IL20: variants seen among roughly 807,000 people sequenced by gnomAD.
IL20 encodes interleukin 20, also known as interleukin-20.
IL20 carries 22 observed loss-of-function variants against 19.2 expected under a neutral mutation model. The ratio of observed to expected loss-of-function variants is 1.15; its 90% CI spans 0.82 to 1.64. IL20 has a LOEUF of 1.64. Among genes scored for constraint, IL20 ranks in the 40% most tolerant of loss-of-function variants. The pLI, the probability that IL20 is intolerant of heterozygous loss-of-function variation, is 0.00. For synonymous variants in IL20, 70 were observed against 76.2 expected (o/e 0.92, Z 0.43); for missense variants, 215 against 212.8 (o/e 1.01, Z -0.06).
chr1:206,864,149 C>A (rs1480706275), upstream of IL20, among the ~76,000 whole-genome samples: 1 of 152,154 alleles, frequency 6.6e-6, no homozygotes, highest in Non-Finnish European at 1.5e-5. Context: ...ACTGGAATGA[C>A]CCACATCAAT....
upstream of IL20, chr1:206,865,602 CACG>C (rs1298238121): frequency 1.6e-5 from 21 of 1,295,112 alleles, no homozygotes; most frequent in Non-Finnish European, 2.0e-5. The surrounding 1 kb of genome is among the most constrained non-coding windows in gnomAD (Gnocchi z 4.1). Flanking sequence ...ATAAAGGAGC[CACG>C]ACCTGTGCCA....
At chr1:206,866,825 G>A (rs1037935645) in intron 4 of IL20, among the ~76,000 whole-genome samples, 189 bp downstream of exon 4, 1 of 152,008 alleles carries the variant, frequency 6.6e-6, no homozygotes, top group Non-Finnish European at 1.5e-5. Context: ...ATATGCTCTA[G>A]GCAAAAAGTA....
At chr1:206,866,262 T>C in intron 2 of IL20, 37 bp from the exon 3 acceptor site, 1 of 1,602,650 alleles carries the variant, frequency 6.2e-7, no homozygotes, top group Non-Finnish European at 8.5e-7. Context: ...CAGCAGGCAC[T>C]GACTCATCCT....
upstream of IL20, among the ~76,000 whole-genome samples, chr1:206,865,078 A>T (rs1285612980): frequency 6.6e-6 from 1 of 152,156 alleles, no homozygotes; most frequent in Non-Finnish European, 1.5e-5. The surrounding 1 kb of genome is among the most constrained non-coding windows in gnomAD (Gnocchi z 4.1). Flanking sequence ...TCTCGAATCC[A>T]CCCAGGAGTG....
intron 2 of IL20, 35 bp from the exon 3 acceptor site, chr1:206,866,264 A>G: frequency 6.2e-7 from 1 of 1,604,450 alleles, no homozygotes; most frequent in Non-Finnish European, 8.5e-7. Flanking sequence ...GCAGGCACTG[A>G]CTCATCCTTG....
At chr1:206,863,835 C>T (rs570074662), upstream of IL20, among the ~76,000 whole-genome samples, 2 of 152,318 alleles carry the variant, frequency 1.3e-5, no homozygotes, top group African/African-American at 2.4e-5. Context: ...ATTGTTAGTT[C>T]AGGACAACTA....
Position 206,866,067 on chromosome 1 carries a change from G to A in IL20, c.159+56G>A, listed in dbSNP as rs943624931. 5.8e-6 allele frequency: 9 copies of A among 1,539,978 alleles called. No homozygotes were observed. In the African/African-American group the frequency reaches 8.2e-5, roughly 14 times the overall value. ...AGCCTTTTCTCTTCCTTCCTTGTCC[G>A]TTTCTCTTTCCTGGCAGTACTGGCA... is the stretch of plus-strand genomic sequence containing the variant. On this transcript the variant is annotated intron_variant, in intron 2 of 5. Coordinates refer to ENST00000367098, the MANE Select transcript of IL20 (RefSeq NM_018724.4).
upstream of IL20, among the ~76,000 whole-genome samples, chr1:206,864,326 A>G (rs1677490850): frequency 6.6e-6 from 1 of 152,176 alleles, no homozygotes; most frequent in Non-Finnish European, 1.5e-5. Flanking sequence ...CCTGGCATAT[A>G]GGAAAAATTC....
chr1:206,866,087 C>T, intron 2 of IL20, 76 bp downstream of exon 2: 1 of 1,423,712 alleles, frequency 7.0e-7, no homozygotes, highest in Non-Finnish European at 9.9e-7. Flanking sequence ...CCTGGCAGTA[C>T]TGGCAGTGTA....
chr1:206,868,053 G>C (rs1443571776), intron 5 of IL20, among the ~76,000 whole-genome samples: 1 of 151,994 alleles, frequency 6.6e-6, no homozygotes, highest in Admixed American at 6.6e-5. Flanking sequence ...ACTGTGGATA[G>C]GGATTGTGCC....
At chr1:206,864,571 T>G (rs3024515), upstream of IL20, among the ~76,000 whole-genome samples, 72 of 151,958 alleles carry the variant, frequency 4.7e-4, no homozygotes, top group African/African-American at 1.6e-3. Flanking sequence ...CAAACAAAAT[T>G]TATTATAATT....
chr1:206,866,458 A>G, intron 3 of IL20, 26 bp from the exon 4 acceptor site: 7 of 1,613,654 alleles, frequency 4.3e-6, no homozygotes, highest in Non-Finnish European at 5.1e-6. Context: ...CTTTCCCCTC[A>G]CCAATATACC....
chr1:206,865,028 T>TGGTCTAGGACCTGAGTTGCA (rs1677504954), upstream of IL20, among the ~76,000 whole-genome samples: 1 of 152,194 alleles, frequency 6.6e-6, no homozygotes, highest in Admixed American at 6.5e-5. This position sits in a 1 kb window ranked among gnomAD's most constrained non-coding sequence, Gnocchi z 4.1. Flanking sequence ...ACCATTTGCT[T>TGGTCTAGGACCTGAGTTGCA]GGTCTAGGAC....
At position 206,868,458 on chromosome 1, in the gene IL20, C is replaced by T. The variant is rs1109461; in HGVS notation, c.454-29C>T. The stretch of plus-strand genomic sequence containing the variant: ...GGAGCAAATGCTGTCTCATGAATTG[C>T]TAACCACATGGGTGTGTGTCTCTTT... On this transcript the variant is annotated intron_variant, in intron 5 of 5. Transcript: ENST00000367098. 24,008 of 1,546,054 alleles carry T rather than the reference C, an allele frequency of 0.016. 2,818 individuals carry two copies. In the African/African-American group the frequency reaches 0.27, roughly 18 times the overall value.
chr1:206,868,312 C>T (rs1677617345), intron 5 of IL20, among the ~76,000 whole-genome samples, 175 bp from the exon 6 acceptor site: 1 of 152,172 alleles, frequency 6.6e-6, no homozygotes, highest in Non-Finnish European at 1.5e-5. Flanking sequence ...GTGATGAACT[C>T]AATGATTTCC....
At chr1:206,863,986 A>G (rs1677482338), upstream of IL20, among the ~76,000 whole-genome samples, 5 of 152,232 alleles carry the variant, frequency 3.3e-5, no homozygotes, top group Admixed American at 3.3e-4. Flanking sequence ...GGGGTTAAGA[A>G]AATTAAACTC....
chr1:206,868,435 A>G, intron 5 of IL20, 52 bp from the exon 6 acceptor site: 2 of 1,388,032 alleles, frequency 1.4e-6, no homozygotes, highest in Admixed American at 2.0e-5. Context: ...TAGGTCCTGG[A>G]GCAAATGCTG....
At position 206,868,614 on chromosome 1, in the gene IL20, C is replaced by G; in HGVS notation, c.*50C>G. 1 of 1,387,656 alleles carries G rather than the reference C, an allele frequency of 7.2e-7. No homozygotes were observed. The highest frequency in any genetic ancestry group is 1.3e-5 in the South Asian group (1 of 74,374). 86.0% of individuals were successfully genotyped at this position (1,387,656 alleles called of 1,614,324 possible). A position where few individuals can be genotyped will look rare whatever the true frequency, so the allele number is the denominator to read the frequency against. ...AATATTCGAGGTCAAGAGCTCCAGT[C>G]TTCAATACCTGCAGAGGAGGCATGA... On this transcript the variant is annotated 3_prime_UTR_variant, in exon 6 of 6. Coordinates refer to ENST00000367098, the MANE Select transcript of IL20 (RefSeq NM_018724.4).
chr1:206,866,920 T>C (rs1272803249), intron 4 of IL20, among the ~76,000 whole-genome samples: 2 of 152,208 alleles, frequency 1.3e-5, no homozygotes, highest in Non-Finnish European at 2.9e-5. Context: ...ACTTTTTCTG[T>C]AGGTGAGGTA....
Sources: allele counts gnomAD v4.1 joint callset (sites outside exome capture counted in the v4.1 genomes callset), GRCh38; gene constraint gnomAD v4.1.1; non-coding constraint Gnocchi (gnomAD v3.1); transcripts MANE v1.5; gene names NCBI Gene and HGNC (gene_info 2026-07-23, HGNC 2026-07-21).